Variants in TAF9B observed in about 807,000 individuals in gnomAD.
TAF9B encodes the protein TATA-box binding protein associated factor 9b, also known as transcription initiation factor TFIID subunit 9B.
TAF9B carries 47 observed loss-of-function variants against 17.6 expected under a neutral mutation model. The ratio of observed to expected loss-of-function variants is 2.68; its 90% CI spans 2.12 to 3.41. The LOEUF is 3.41. Among genes scored for constraint, TAF9B ranks in the 30% most tolerant of loss-of-function variants. TAF9B has a pLI of 0.00. For missense variants in TAF9B, 218 were observed against 189.3 expected (o/e 1.15, Z -0.89); for synonymous variants, 84 against 68.7 (o/e 1.22, Z -1.10).
At chrX:78,134,035 C>T (rs782383647) in intron 5 of TAF9B, among the ~76,000 whole-genome samples, 1 of 111,242 alleles carries the variant, frequency 9.0e-6, no homozygotes, top group Admixed American at 9.6e-5. Context: ...AAATACACCC[C>T]TTGAGGTCTC....
intron 4 of TAF9B, among the ~76,000 whole-genome samples, chrX:78,137,461 A>C (rs1267303271): frequency 1.8e-5 from 2 of 111,393 alleles, no homozygotes; most frequent in African/African-American, 6.5e-5. Context: ...TCACTAAAAA[A>C]CTATGATATA....
intron 2 of TAF9B, 56 bp downstream of exon 2, chrX:78,138,787 A>G (rs2078444501): frequency 8.8e-6 from 8 of 908,414 alleles, no homozygotes; most frequent in Middle Eastern, 2.7e-4. Context: ...TCTTACAATA[A>G]AAATATCTTT....
At position 78,130,135 on chromosome X, in the gene TAF9B, C is replaced by A. The variant is rs782006167; in HGVS notation, c.*1475G>T. 2 of 112,269 alleles carry A rather than the reference C, an allele frequency of 1.8e-5. No individual in the cohort carries two copies. Among genetic ancestry groups the A allele is most frequent in the African/African-American group, 3.2e-5 (1 of 30,793 alleles). 9.3% of individuals were successfully genotyped at this position (112,269 alleles called of 1,213,427 possible). A position where few individuals can be genotyped will look rare whatever the true frequency, so the allele number is the denominator to read the frequency against. ...ATACTGAAAAACACTAAAACTGATA[C>A]GAGACATTTGAGACATTTCTTCTCT... is the stretch of plus-strand genomic sequence containing the variant. On this transcript the variant is annotated 3_prime_UTR_variant, in exon 7 of 7. Transcript: ENST00000341864.
In TAF9B at chrX:78,139,597, C is replaced by T. The variant is rs782735021; in HGVS notation, c.15G>A (p.Lys5=). The T allele has an allele frequency of 8.3e-7, 1 of 1,212,107 alleles. No homozygotes were observed. The highest frequency in any genetic ancestry group is 2.3e-4 in the Middle Eastern group (1 of 4,353). Residue 5 remains lysine (K), a synonymous_variant, in exon 1 of 7, where the codon AAG becomes AAA. Transcript: ENST00000341864. The stretch of plus-strand genomic sequence containing the variant: ...TCGGAGCGTTCTTGGGAGGCGCCAT[C>T]TTGCCCGACTCCATGTTATCCAGCC... MESG[K]MAPPKNAPRD... is the part of the protein sequence containing the mutation.
chrX:78,138,795 T>C, intron 2 of TAF9B, 48 bp downstream of exon 2: 1 of 933,673 alleles, frequency 1.1e-6, no homozygotes, highest in Non-Finnish European at 1.5e-6. Context: ...TAAAAATATC[T>C]TTTCAAGTTC....
chrX:78,131,854 C>A, intron 6 of TAF9B, 81 bp from the exon 7 acceptor site: 2 of 932,694 alleles, frequency 2.1e-6, no homozygotes, highest in Non-Finnish European at 3.0e-6. Context: ...AAGTATACAA[C>A]AAAGCTGAAT....
intron 5 of TAF9B, 77 bp from the exon 6 acceptor site, chrX:78,133,525 C>A: frequency 1.4e-6 from 1 of 729,679 alleles, no homozygotes; most frequent in Non-Finnish European, 2.1e-6. Context: ...TTACCGCAAA[C>A]TATCTTCAAA....
rs782201154 is a variant in TAF9B at position 78,138,058 on chromosome X, C to T, written c.174G>A (p.Ser58=). ...TTILDDAKIY[S]SHAKKPNVDA... Reference sequence around the variant, plus strand: ...CAACATTAGGTTTCTTAGCATGGCTCGAATAAATTTTTGCATCATCCAGAA... The same window carrying T: ...CAACATTAGGTTTCTTAGCATGGCTTGAATAAATTTTTGCATCATCCAGAA... Residue 58 remains serine (S), a synonymous_variant, in exon 3 of 7, where the codon TCG becomes TCA. Transcript: ENST00000341864. The T allele has an allele frequency of 4.8e-5, 58 of 1,205,454 alleles. No individual in the cohort carries two copies. The highest frequency in any genetic ancestry group is 3.6e-4 in the East Asian group (12 of 33,763).
At chrX:78,133,281 C>T (rs782466167) in intron 6 of TAF9B, 57 bp downstream of exon 6, 45 of 975,640 alleles carry the variant, frequency 4.6e-5, no homozygotes, top group South Asian at 8.0e-5. Context: ...GGAATACAAA[C>T]GGTCCTACAA....
chrX:78,137,713 C>G, intron 4 of TAF9B, 36 bp downstream of exon 4: 1 of 1,163,105 alleles, frequency 8.6e-7, no homozygotes, highest in Non-Finnish European at 1.1e-6. Flanking sequence ...CATATTCCAC[C>G]TTTTAAAAAA....
At chrX:78,138,154 G>A in intron 2 of TAF9B, 56 bp from the exon 3 acceptor site, 1 of 1,080,556 alleles carries the variant, frequency 9.3e-7, no homozygotes, top group Non-Finnish European at 1.2e-6. Context: ...AATATTTATG[G>A]CTACTTGTCT....
rs1164133008 is a variant in TAF9B at position 78,131,496 on chromosome X, T to C, written c.*114A>G. 2.0e-5 allele frequency: 13 copies of C among 645,915 alleles called. No individual in the cohort carries two copies. Among genetic ancestry groups the C allele is most frequent in the Non-Finnish European group, 2.8e-5 (12 of 431,610 alleles). 53.2% of individuals were successfully genotyped at this position (645,915 alleles called of 1,213,427 possible). A position where few individuals can be genotyped will look rare whatever the true frequency, so the allele number is the denominator to read the frequency against. On this transcript the variant is annotated 3_prime_UTR_variant, in exon 7 of 7. Transcript: ENST00000341864. ...AACAGTTTTAACTGACGAAAAATACTGCAGCTACATTTCAGTCTTTTAAGG... is the reference window on the plus strand; with the variant it reads ...AACAGTTTTAACTGACGAAAAATACCGCAGCTACATTTCAGTCTTTTAAGG...
intron 5 of TAF9B, among the ~76,000 whole-genome samples, chrX:78,135,986 T>C (rs1557250002): frequency 8.9e-6 from 1 of 111,763 alleles, no homozygotes; most frequent in East Asian, 2.8e-4. Context: ...CCTGAGAATA[T>C]GAAGAGAGGG....
rs1277711185 is a variant in TAF9B, at chrX:78,138,050, G to A, written c.182C>T (p.Ala61Val). Residue 61 changes from alanine to valine, a missense_variant, in exon 3 of 7, where the codon GCT becomes GTT. Coordinates refer to ENST00000341864, the MANE Select transcript of TAF9B (RefSeq NM_015975.5). The stretch of plus-strand genomic sequence containing the variant: ...ATCTGCATCAACATTAGGTTTCTTA[G>A]CATGGCTCGAATAAATTTTTGCATC... ...LDDAKIYSSH[A>V]KKPNVDADDV... is the part of the protein sequence containing the mutation. 1 of 1,206,469 alleles carries A rather than the reference G, an allele frequency of 8.3e-7. No individual in the cohort carries two copies. The highest frequency in any genetic ancestry group is 1.1e-6 in the Non-Finnish European group (1 of 893,850).
chrX:78,138,121 T>A lies in TAF9B; in HGVS notation c.134-23A>T, dbSNP rs782694960. On this transcript the variant is annotated intron_variant, in intron 2 of 6. Transcript: ENST00000341864. ...AACCTATAAGAACAAAACAATCTTTTCTTAAACATATGAAGACAGCTTAAT... is the reference window on the plus strand; with the variant it reads ...AACCTATAAGAACAAAACAATCTTTACTTAAACATATGAAGACAGCTTAAT... 3.1e-5 allele frequency: 36 copies of A among 1,166,086 alleles called. No homozygotes were observed. The Admixed American group carries it at 7.6e-4, about 25-fold the overall frequency.
In TAF9B at chrX:78,130,259, T is replaced by C. The variant is rs1557249271; in HGVS notation, c.*1351A>G. 1 of 112,243 alleles carries C rather than the reference T, an allele frequency of 8.9e-6. No individual in the cohort carries two copies. The highest frequency in any genetic ancestry group is 1.9e-5 in the Non-Finnish European group (1 of 53,321). 9.3% of individuals were successfully genotyped at this position (112,243 alleles called of 1,213,427 possible). ...AATTCTCAATTATGATACGAACATT[T>C]ATTTTACAAATTCTACAAAAGTATG... On this transcript the variant is annotated 3_prime_UTR_variant, in exon 7 of 7. Transcript: ENST00000341864.
rs2078414153 is a variant in TAF9B, at chrX:78,131,751, T to C, written c.615A>G (p.Gln205=). 8.3e-7 allele frequency: 1 copy of C among 1,208,598 alleles called. No individual in the cohort carries two copies. Among genetic ancestry groups the C allele is most frequent in the Non-Finnish European group, 1.1e-6 (1 of 893,925 alleles). ...TCATTGAAGGATTAATCAGAACATT[T>C]TGAACTGCAGTTGTTGCAGGAACTG... ...VKPVPATTAV[Q]NVLINPSMIG... The change falls in exon 7 of 7, where the codon CAA becomes CAG. Residue 205 remains glutamine, a synonymous_variant. Coordinates refer to ENST00000341864, the MANE Select transcript of TAF9B (RefSeq NM_015975.5).
chrX:78,136,892 T>C, intron 5 of TAF9B, 23 bp downstream of exon 5: 2 of 1,141,438 alleles, frequency 1.8e-6, no homozygotes, highest in Non-Finnish European at 2.4e-6. Flanking sequence ...CAGCCAGAAA[T>C]GCCATTGTCT....
At chrX:78,132,502 G>A (rs1235820147) in intron 6 of TAF9B, among the ~76,000 whole-genome samples, 2 of 110,648 alleles carry the variant, frequency 1.8e-5, no homozygotes, top group African/African-American at 6.6e-5. Flanking sequence ...TCCCTAATAG[G>A]CCAGTATTTT....
Sources: gnomAD v4.1 joint callset for allele counts (sites outside exome capture counted in the v4.1 genomes callset) on GRCh38, gnomAD v4.1.1 for gene constraint, MANE v1.5 for transcripts, NCBI Gene and HGNC (gene_info 2026-07-23, HGNC 2026-07-21) for gene names.